ABHD14A: variants seen among roughly 807,000 people sequenced by gnomAD.
ABHD14A encodes protein ABHD14A.
Under a neutral mutation model 27.0 loss-of-function variants are expected in ABHD14A, and 19 were observed. The ratio of observed to expected loss-of-function variants is 0.70; its 90% CI spans 0.49 to 1.03. ABHD14A has a LOEUF of 1.03. Ranked by LOEUF, ABHD14A falls within the 50% of genes least tolerant of loss-of-function variation. The probability of loss-of-function intolerance (pLI) is 0.00; values close to 1 mark genes in which losing one functional copy is unlikely to be tolerated. For missense variants in ABHD14A, 311 were observed against 344.6 expected (o/e 0.90, Z 0.77); for synonymous variants, 148 against 158.8 (o/e 0.93, Z 0.51).
In ABHD14A at chr3:51,981,130, AC is replaced by A; in HGVS notation, c.*115del. On this transcript the variant is annotated 3_prime_UTR_variant, in exon 5 of 5. Coordinates refer to ENST00000273596, the MANE Select transcript of ABHD14A (RefSeq NM_015407.5). ...ATTGGAGGCCAGAGGCCAGGGTCAGACCCAGCCAGGACTCCTCATTTCATCT... is the reference window on the plus strand; with the variant it reads ...ATTGGAGGCCAGAGGCCAGGGTCAGACCAGCCAGGACTCCTCATTTCATCT... 1 of 1,214,048 alleles carries A rather than the reference AC, an allele frequency of 8.2e-7. No homozygotes were observed. Among genetic ancestry groups the A allele is most frequent in the Non-Finnish European group, 1.2e-6 (1 of 861,492 alleles). The allele number at this position is 1,214,048 out of a possible 1,614,324, so 75.2% of individuals were successfully genotyped here. A position where few individuals can be genotyped will look rare whatever the true frequency, so the allele number is the denominator to read the frequency against.
intron 1 of ABHD14A, among the ~76,000 whole-genome samples, chr3:51,976,989 T>G (rs554285080): frequency 2.6e-5 from 4 of 152,274 alleles, no homozygotes; most frequent in African/African-American, 9.6e-5. Flanking sequence ...AAGCTGTCTG[T>G]GTGTAGGATG....
intron 1 of ABHD14A, among the ~76,000 whole-genome samples, chr3:51,976,106 T>C (rs1163361903): frequency 6.6e-6 from 1 of 152,228 alleles, no homozygotes; most frequent in African/African-American, 2.4e-5. Context: ...GAAATGTCCC[T>C]CGCGCCCGGT....
intron 1 of ABHD14A, 66 bp downstream of exon 1, chr3:51,975,270 T>TGCCCCGGC: frequency 8.2e-7 from 1 of 1,223,492 alleles, no homozygotes; most frequent in Non-Finnish European, 1.0e-6. Flanking sequence ...CCCCGCCCCT[T>TGCCCCGGC]GCCCCGGCGC....
chr3:51,978,134 C>T, intron 2 of ABHD14A, 52 bp downstream of exon 2: 2 of 1,572,648 alleles, frequency 1.3e-6, no homozygotes, highest in Non-Finnish European at 1.7e-6. Flanking sequence ...AGGGGAGTCC[C>T]TGTGTGGGAC....
intron 1 of ABHD14A, among the ~76,000 whole-genome samples, chr3:51,977,013 G>A (rs74497331): frequency 0.027 from 4,138 of 152,086 alleles, 70 homozygotes; most frequent in Non-Finnish European, 0.041. Flanking sequence ...AGTAGCAGGC[G>A]GCATTCATCT....
intron 3 of ABHD14A, among the ~76,000 whole-genome samples, chr3:51,979,969 T>TAGA (rs1248704959): frequency 6.6e-6 from 1 of 152,004 alleles, no homozygotes; most frequent in Non-Finnish European, 1.5e-5. Context: ...TCGCCCAGGC[T>TAGA]AGAGTGCAGT....
At position 51,975,070 on chromosome 3, in the gene ABHD14A, G is replaced by C; in HGVS notation, c.-66G>C. The C allele has an allele frequency of 5.5e-6, 7 of 1,267,106 alleles. No individual in the cohort carries two copies. The highest frequency in any genetic ancestry group is 7.0e-6 in the Non-Finnish European group (7 of 1,005,608). The allele number at this position is 1,267,106 out of a possible 1,614,324, so 78.5% of individuals were successfully genotyped here. ...GCCCGCGGCTGCGGAGTGCGCAGGC[G>C]CGCCGAGATGGCCGCGCTCCTGGCC... On this transcript the variant is annotated 5_prime_UTR_variant, in exon 1 of 5. Coordinates refer to ENST00000273596, the MANE Select transcript of ABHD14A (RefSeq NM_015407.5).
At chr3:51,975,457 G>C (rs1484416208) in intron 1 of ABHD14A, among the ~76,000 whole-genome samples, 1 of 133,286 alleles carries the variant, frequency 7.5e-6, no homozygotes, top group African/African-American at 3.1e-5. Context: ...TATATTTTTG[G>C]GGGGGGGGTG....
intron 4 of ABHD14A, 75 bp downstream of exon 4, chr3:51,980,703 T>C (rs1700893418): frequency 6.4e-7 from 1 of 1,561,224 alleles, no homozygotes; most frequent in Admixed American, 1.7e-5. Flanking sequence ...AAGTCTTACT[T>C]GGAGGGACAT....
At position 51,980,455 on chromosome 3, in the gene ABHD14A, G is replaced by C. The variant is rs759686873; in HGVS notation, c.460G>C (p.Glu154Gln). The C allele has an allele frequency of 6.2e-7, 1 of 1,613,594 alleles. No homozygotes were observed. The highest frequency in any genetic ancestry group is 2.2e-5 in the East Asian group (1 of 44,874). ...AGAGGCAGGGCGGGCAGCGCTGCTG[G>C]AGCGGGCGCTGCGGGACCTGGAGGT... ...STEAGRAALL[E>Q]RALRDLEVQN... The change falls in exon 4 of 5, where the codon GAG (glutamate) becomes CAG (glutamine). Residue 154 changes from glutamate (E) to glutamine (Q), a missense_variant. Glu to Gln is a conservative substitution (Grantham distance 29). Transcript: ENST00000273596.
At chr3:51,979,563 C>A (rs1184640224) in intron 3 of ABHD14A, among the ~76,000 whole-genome samples, 3 of 150,396 alleles carry the variant, frequency 2.0e-5, no homozygotes, top group African/African-American at 4.9e-5. Flanking sequence ...CGGCTCACTG[C>A]AACCTCCGCC....
chr3:51,976,670 G>A (rs187165833), intron 1 of ABHD14A, among the ~76,000 whole-genome samples: 1 of 152,302 alleles, frequency 6.6e-6, no homozygotes, highest in Admixed American at 6.5e-5. Flanking sequence ...GCAAGACTCC[G>A]TCTCAGAAAA....
At chr3:51,976,766 C>T (rs1700796712) in intron 1 of ABHD14A, among the ~76,000 whole-genome samples, 1 of 152,178 alleles carries the variant, frequency 6.6e-6, no homozygotes, top group African/African-American at 2.4e-5. Flanking sequence ...ACAGGGACAG[C>T]CCTGATCCAG....
chr3:51,975,402 C>G (rs1308264944), intron 1 of ABHD14A, among the ~76,000 whole-genome samples, 198 bp downstream of exon 1: 1 of 143,852 alleles, frequency 7.0e-6, no homozygotes, highest in East Asian at 2.0e-4. Context: ...TGTATGTGTA[C>G]GCTTGTGTGT....
chr3:51,980,316 T>G, intron 3 of ABHD14A, 77 bp from the exon 4 acceptor site: 1 of 1,409,708 alleles, frequency 7.1e-7, no homozygotes, highest in Non-Finnish European at 1.0e-6. Context: ...TCCCCAACTT[T>G]TTCCCCCACT....
In ABHD14A at chr3:51,978,365, G is replaced by T; in HGVS notation, c.388G>T (p.Asp130Tyr). The change falls in exon 3 of 5, where the codon GAC (aspartate) becomes TAC (tyrosine). Residue 130 changes from aspartate to tyrosine, a missense_variant. Coordinates refer to ENST00000273596, the MANE Select transcript of ABHD14A (RefSeq NM_015407.5). ...SQRGYRAVAL[D>Y]LPGFGNSAPS... ...GAGGGGCTACCGGGCCGTGGCCCTTGACCTTCCAGGTGAGCACCCCCACCC... is the reference window on the plus strand; with the variant it reads ...GAGGGGCTACCGGGCCGTGGCCCTTTACCTTCCAGGTGAGCACCCCCACCC... The T allele has an allele frequency of 6.4e-7, 1 of 1,551,200 alleles. No individual in the cohort carries two copies. The highest frequency in any genetic ancestry group is 1.2e-5 in the South Asian group (1 of 84,034).
chr3:51,977,827 G>T, intron 1 of ABHD14A, 44 bp from the exon 2 acceptor site: 1 of 1,555,748 alleles, frequency 6.4e-7, no homozygotes, highest in Non-Finnish European at 8.8e-7. Flanking sequence ...GGTCCTTGTA[G>T]GGACTCAGTT....
At position 51,977,899 on chromosome 3, in the gene ABHD14A, C is replaced by T. The variant is rs750040570; in HGVS notation, c.98C>T (p.Ser33Phe). The change falls in exon 2 of 5, where the codon TCC becomes TTC. Residue 33 changes from serine to phenylalanine, a missense_variant. By Grantham distance (155) the Ser-to-Phe change is radical (BLOSUM62 -2). Coordinates refer to ENST00000273596, the MANE Select transcript of ABHD14A (RefSeq NM_015407.5). ...GTGGTACAGACCTCCATGAGCCGGT[C>T]CCAGGTAGCCCTGCTGGGCCTGAGT... The part of the protein sequence containing the change: ...PTVVQTSMSR[S>F]QVALLGLSLL... 3 of 1,614,020 alleles carry T rather than the reference C, an allele frequency of 1.9e-6. No homozygotes were observed. Among genetic ancestry groups the T allele is most frequent in the Non-Finnish European group, 2.5e-6 (3 of 1,179,938 alleles).
chr3:51,977,900 C>T lies in ABHD14A; in HGVS notation c.99C>T (p.Ser33=), dbSNP rs145315940. Residue 33 remains serine (S), a synonymous_variant, in exon 2 of 5, where the codon TCC becomes TCT. Coordinates refer to ENST00000273596, the MANE Select transcript of ABHD14A (RefSeq NM_015407.5). ...TGGTACAGACCTCCATGAGCCGGTC[C>T]CAGGTAGCCCTGCTGGGCCTGAGTC... The part of the protein sequence containing the change: ...PTVVQTSMSR[S]QVALLGLSLL... 3.4e-4 allele frequency: 551 copies of T among 1,614,008 alleles called. No homozygotes were observed. Among genetic ancestry groups the T allele is most frequent in the Non-Finnish European group, 4.1e-4 (484 of 1,179,930 alleles).
Sources: allele counts gnomAD v4.1 joint callset (sites outside exome capture counted in the v4.1 genomes callset), GRCh38; gene constraint gnomAD v4.1.1; transcripts MANE v1.5; gene names NCBI Gene and HGNC (gene_info 2026-07-23, HGNC 2026-07-21).